The following AFG1L variants were observed in gnomAD, a reference collection of about 807,000 sequenced individuals.
The protein encoded by AFG1L is AFG1-like ATPase.
Under a neutral mutation model 62.2 loss-of-function variants are expected in AFG1L, and 53 were observed. That is an observed-to-expected ratio of 0.85 (90% CI 0.68 to 1.07). The LOEUF is 1.07. AFG1L is among the 50% of genes least tolerant of loss of function. The probability of loss-of-function intolerance (pLI) is 0.00; values close to 1 mark genes in which losing one functional copy is unlikely to be tolerated. For synonymous variants in AFG1L, 228 were observed against 210.3 expected, an observed-to-expected ratio of 1.08 and a Z score of -0.73; for missense variants, 555 against 590.5, an observed-to-expected ratio of 0.94 and a Z score of 0.62.
chr6:108,311,187 A>T (rs887478331), intron 1 of AFG1L, among the ~76,000 whole-genome samples: 7 of 152,012 alleles, frequency 4.6e-5, no homozygotes, highest in African/African-American at 1.7e-4. Flanking sequence ...TCCGCCTTTC[A>T]CTTTACGTCT....
intron 5 of AFG1L, among the ~76,000 whole-genome samples, chr6:108,363,933 C>T (rs1487545114): frequency 6.6e-6 from 1 of 152,152 alleles, no homozygotes; most frequent in East Asian, 1.9e-4. Context: ...CAGTGGATGA[C>T]TGAGACTCAA....
At position 108,366,318 on chromosome 6, in the gene AFG1L, A is replaced by G. The variant is rs1171744087; in HGVS notation, c.734A>G (p.Asn245Ser). ...KNGVVVVATS[N>S]RPPEDLYKNG... ...GGGGTCGTCGTTGTGGCAACATCCA[A>G]CAGGCCACCGGAAGGTAAAAACAAA... Residue 245 changes from asparagine (N) to serine (S), a missense_variant, in exon 6 of 13, where the codon AAC (asparagine) becomes AGC (serine). Transcript: ENST00000368977. 5.0e-6 allele frequency: 8 copies of G among 1,610,968 alleles called. 1 individual carries two copies. In the South Asian group the frequency reaches 6.6e-5, roughly 13 times the overall value.
chr6:108,449,580 T>C (rs1041523105), intron 8 of AFG1L, among the ~76,000 whole-genome samples: 6 of 152,204 alleles, frequency 3.9e-5, no homozygotes, highest in Non-Finnish European at 8.8e-5. Context: ...GGTTTCTTTT[T>C]ATCTTGTTCT....
intron 8 of AFG1L, among the ~76,000 whole-genome samples, chr6:108,449,376 A>G (rs1771959512): frequency 6.6e-6 from 1 of 152,160 alleles, no homozygotes; most frequent in Non-Finnish European, 1.5e-5. Context: ...GGCACCCCTC[A>G]GTCAGAGGAG....
At chr6:108,484,489 G>GTGTT (rs1773446156) in intron 10 of AFG1L, among the ~76,000 whole-genome samples, 1 of 152,118 alleles carries the variant, frequency 6.6e-6, no homozygotes, top group Non-Finnish European at 1.5e-5. Context: ...CATAGTCTTG[G>GTGTT]TGTTGCCAGG....
chr6:108,356,359 C>A (rs760488472), intron 4 of AFG1L, among the ~76,000 whole-genome samples: 2 of 152,194 alleles, frequency 1.3e-5, no homozygotes, highest in Non-Finnish European at 2.9e-5. Flanking sequence ...GGATCACATC[C>A]TCTGCTCTCA....
chr6:108,512,316 G>A (rs1390658231), intron 11 of AFG1L, among the ~76,000 whole-genome samples: 4 of 152,174 alleles, frequency 2.6e-5, no homozygotes, highest in Non-Finnish European at 5.9e-5. Context: ...CAGAAGCTGA[G>A]GGAAGCCCAC....
rs1249335009 is a variant in AFG1L, at chr6:108,295,092, T to C, written c.13T>C (p.Trp5Arg). The C allele has an allele frequency of 3.7e-6, 6 of 1,611,388 alleles. No homozygotes were observed. Among genetic ancestry groups the C allele is most frequent in the South Asian group, 1.1e-5 (1 of 91,084 alleles). ...TACGGAGTTCAAGATGGCGGCCTCC[T>C]GGTCGCTCTTGGTTACCCTGCGCCC... MAASWSLLVTLRPLA... is the reference protein window; with the variant it reads MAASRSLLVTLRPLA... The change falls in exon 1 of 13, where the codon TGG becomes CGG. Residue 5 changes from tryptophan to arginine, a missense_variant. By Grantham distance (101) the Trp-to-Arg change is moderately radical. Coordinates refer to ENST00000368977, the MANE Select transcript of AFG1L (RefSeq NM_145315.5).
intron 6 of AFG1L, among the ~76,000 whole-genome samples, chr6:108,385,394 A>G (rs920974360): frequency 6.6e-6 from 1 of 152,264 alleles, no homozygotes; most frequent in Admixed American, 6.5e-5. Flanking sequence ...AAATGATAGC[A>G]TGAGTGATCG....
intron 6 of AFG1L, 90 bp downstream of exon 6, chr6:108,366,422 T>G: frequency 1.5e-6 from 1 of 679,402 alleles, no homozygotes; most frequent in Non-Finnish European, 2.4e-6. Flanking sequence ...ATGTATTGTG[T>G]TAATAAATCT....
chr6:108,479,447 A>G (rs1773249010), intron 10 of AFG1L, among the ~76,000 whole-genome samples: 1 of 152,204 alleles, frequency 6.6e-6, no homozygotes, highest in Admixed American at 6.5e-5. Flanking sequence ...ACATTACACA[A>G]GCACTGAATG....
At chr6:108,400,772 AAT>A (rs1213366010) in intron 6 of AFG1L, among the ~76,000 whole-genome samples, 29 of 127,454 alleles carry the variant, frequency 2.3e-4, no homozygotes, top group African/African-American at 7.2e-4. Flanking sequence ...ATATATTTAT[AAT>A]ATATGTTATA....
chr6:108,410,139 C>G (rs1320322711), intron 7 of AFG1L, among the ~76,000 whole-genome samples: 1 of 151,950 alleles, frequency 6.6e-6, no homozygotes, highest in African/African-American at 2.4e-5. Context: ...AACCCCATCT[C>G]TACTAAAAAT....
chr6:108,366,316 C>CA lies in AFG1L; in HGVS notation c.734dup (p.Asn245LysfsTer9). On this transcript the variant is annotated frameshift_variant, in exon 6 of 13. Coordinates refer to ENST00000368977, the MANE Select transcript of AFG1L (RefSeq NM_145315.5). LOFTEE classifies it high-confidence loss of function. ...ACGGGGTCGTCGTTGTGGCAACATCCAACAGGCCACCGGAAGGTAAAAACA... is the reference window on the plus strand; with the variant it reads ...ACGGGGTCGTCGTTGTGGCAACATCCAAACAGGCCACCGGAAGGTAAAAACA... 1 of 1,610,718 alleles carries CA rather than the reference C, an allele frequency of 6.2e-7. No homozygotes were observed. Among genetic ancestry groups the CA allele is most frequent in the Non-Finnish European group, 8.5e-7 (1 of 1,177,570 alleles).
chr6:108,367,172 A>G (rs1042229184), intron 6 of AFG1L, among the ~76,000 whole-genome samples: 2 of 152,148 alleles, frequency 1.3e-5, no homozygotes, highest in Admixed American at 1.3e-4. Context: ...GTTCCCTTCC[A>G]GGATACAAAA....
intron 6 of AFG1L, among the ~76,000 whole-genome samples, chr6:108,396,379 A>C (rs1307242557): frequency 1.3e-5 from 2 of 152,166 alleles, no homozygotes; most frequent in African/African-American, 4.8e-5. Flanking sequence ...TAAGGCAATA[A>C]ATACTACCTG....
intron 2 of AFG1L, among the ~76,000 whole-genome samples, chr6:108,335,812 A>T (rs1447329853): frequency 6.6e-6 from 1 of 152,238 alleles, no homozygotes; most frequent in Non-Finnish European, 1.5e-5. Context: ...AGTGGTGCAC[A>T]CAGGAACTTA....
chr6:108,419,594 G>T (rs982525294), intron 7 of AFG1L, among the ~76,000 whole-genome samples: 1 of 152,098 alleles, frequency 6.6e-6, no homozygotes, highest in East Asian at 1.9e-4. Flanking sequence ...GTAACATAAA[G>T]AAGTGATACT....
chr6:108,356,910 T>C, intron 5 of AFG1L, 90 bp downstream of exon 5: 1 of 1,149,676 alleles, frequency 8.7e-7, no homozygotes. Flanking sequence ...CATTGGTTTA[T>C]AAGGTGATTT....
Sources: allele counts gnomAD v4.1 joint callset (sites outside exome capture counted in the v4.1 genomes callset), GRCh38; gene constraint gnomAD v4.1.1; transcripts MANE v1.5; gene names NCBI Gene and HGNC (gene_info 2026-07-23, HGNC 2026-07-21).